PLCE1: variants seen among roughly 807,000 people sequenced by gnomAD.
PLCE1 encodes 1-phosphatidylinositol 4,5-bisphosphate phosphodiesterase epsilon-1.
PLCE1 carries 119 observed loss-of-function variants against 242.8 expected under a neutral mutation model. The observed-to-expected ratio is 0.49, with a 90% CI of 0.42 to 0.57. The LOEUF (loss-of-function observed/expected upper bound fraction) is 0.57, where lower values mean the gene tolerates loss of function less well. Among genes scored for constraint, PLCE1 ranks in the 20% least tolerant of loss-of-function variants. The pLI is 0.00. For missense variants in PLCE1, 2,441 were observed against 2,788.8 expected (o/e 0.88, Z 2.81); for synonymous variants, 945 against 1,017.4 (o/e 0.93, Z 1.35).
chr10:94,143,668 A>G (rs967794437), intron 3 of PLCE1, among the ~76,000 whole-genome samples: 27 of 152,230 alleles, frequency 1.8e-4, no homozygotes, highest in Non-Finnish European at 2.1e-4. Flanking sequence ...ATAAATTATT[A>G]CAGTTAAAGT....
At chr10:94,140,836 G>T (rs1336227624) in intron 3 of PLCE1, among the ~76,000 whole-genome samples, 1 of 152,166 alleles carries the variant, frequency 6.6e-6, no homozygotes, top group Non-Finnish European at 1.5e-5. Context: ...TTAGTATTGT[G>T]ACCTTGAAAT....
intron 1 of PLCE1, among the ~76,000 whole-genome samples, chr10:94,029,098 T>TATG (rs892441948): frequency 3.3e-5 from 5 of 151,934 alleles, no homozygotes; most frequent in Non-Finnish European, 7.4e-5. Flanking sequence ...GTCTCAAAAT[T>TATG]ATGATGATGA....
chr10:94,303,618 T>C (rs1232904833), intron 24 of PLCE1, among the ~76,000 whole-genome samples: 3 of 152,258 alleles, frequency 2.0e-5, no homozygotes, highest in Non-Finnish European at 2.9e-5. Context: ...TATTCTCCTA[T>C]TCTTTCTTGT....
chr10:94,250,025 C>G (rs2050819194), intron 8 of PLCE1, among the ~76,000 whole-genome samples: 1 of 150,740 alleles, frequency 6.6e-6, no homozygotes, highest in Non-Finnish European at 1.5e-5. Flanking sequence ...CAAGAGGTAA[C>G]AGTGCATGGA....
chr10:94,305,950 G>A (rs528122436), intron 25 of PLCE1, among the ~76,000 whole-genome samples: 5 of 151,926 alleles, frequency 3.3e-5, no homozygotes, highest in South Asian at 2.1e-4. Flanking sequence ...GATTCCAGTC[G>A]TGTGATTACC....
At chr10:94,276,843 G>A (rs1444763109) in intron 19 of PLCE1, among the ~76,000 whole-genome samples, 2 of 152,094 alleles carry the variant, frequency 1.3e-5, no homozygotes, top group Non-Finnish European at 2.9e-5. Flanking sequence ...GGAAAAATGG[G>A]ACAATATAAT....
At chr10:94,060,540 G>A (rs928768123) in intron 2 of PLCE1, among the ~76,000 whole-genome samples, 3 of 152,076 alleles carry the variant, frequency 2.0e-5, no homozygotes, top group Admixed American at 1.3e-4. Flanking sequence ...ATGAGTACTC[G>A]TGTGGCTTGC....
intron 2 of PLCE1, among the ~76,000 whole-genome samples, chr10:94,049,706 AT>A (rs1397690422): frequency 1.3e-5 from 2 of 152,196 alleles, no homozygotes; most frequent in Non-Finnish European, 2.9e-5. Flanking sequence ...GTAAACACAG[AT>A]TTAGCCAGCA....
At chr10:94,148,739 G>T (rs1197623841) in intron 3 of PLCE1, among the ~76,000 whole-genome samples, 1 of 152,196 alleles carries the variant, frequency 6.6e-6, no homozygotes, top group Admixed American at 6.5e-5. Flanking sequence ...AGGAAGGAAA[G>T]GCTATACAGA....
At chr10:94,008,504 T>A (rs1273585090) in intron 1 of PLCE1, among the ~76,000 whole-genome samples, 2 of 152,164 alleles carry the variant, frequency 1.3e-5, no homozygotes, top group African/African-American at 4.8e-5. Context: ...AGACAGCGTT[T>A]CACTACATTG....
At chr10:94,256,881 G>C (rs2051120439) in intron 11 of PLCE1, among the ~76,000 whole-genome samples, 1 of 152,222 alleles carries the variant, frequency 6.6e-6, no homozygotes, top group Non-Finnish European at 1.5e-5. Flanking sequence ...TGAATCCTAA[G>C]TCTGATAGTG....
intron 2 of PLCE1, among the ~76,000 whole-genome samples, chr10:94,085,818 C>G (rs2044802243): frequency 6.6e-6 from 1 of 152,174 alleles, no homozygotes; most frequent in South Asian, 2.1e-4. Context: ...CATCCAGGGC[C>G]TGGCCTGGAA....
At chr10:94,089,434 G>A (rs1284824911) in intron 2 of PLCE1, 6 of 1,393,306 alleles carry the variant, frequency 4.3e-6, no homozygotes, top group Non-Finnish European at 4.9e-6. Flanking sequence ...GGAATCCTGG[G>A]GACTGTTTCT....
intron 2 of PLCE1, among the ~76,000 whole-genome samples, chr10:94,095,067 C>T (rs750981633): frequency 7.2e-5 from 11 of 152,206 alleles, no homozygotes; most frequent in Non-Finnish European, 1.3e-4. Flanking sequence ...GCAAAGAATA[C>T]ATTGTAATCA....
chr10:94,291,636 A>G (rs2052648991), intron 22 of PLCE1, among the ~76,000 whole-genome samples: 1 of 152,182 alleles, frequency 6.6e-6, no homozygotes, highest in Non-Finnish European at 1.5e-5. Context: ...GTAGCAATAA[A>G]GTATCTAGTG....
intron 4 of PLCE1, among the ~76,000 whole-genome samples, chr10:94,198,838 A>C (rs1269145183): frequency 6.6e-6 from 1 of 152,164 alleles, no homozygotes; most frequent in East Asian, 1.9e-4. Context: ...ACTTGAGCTC[A>C]AGAGTGTGAG....
At chr10:94,138,960 T>G (rs2046871195) in intron 3 of PLCE1, 1 of 154,132 alleles carries the variant, frequency 6.5e-6, no homozygotes, top group Admixed American at 6.5e-5. Flanking sequence ...CCCTGACAAG[T>G]GCATCTCCAT....
chr10:94,215,228 G>C (rs541856294), intron 4 of PLCE1, among the ~76,000 whole-genome samples: 1 of 152,298 alleles, frequency 6.6e-6, no homozygotes, highest in South Asian at 2.1e-4. Flanking sequence ...GGAGTCCCCA[G>C]ATACCCTGGG....
chr10:94,150,100 G>C (rs910638261), intron 3 of PLCE1, among the ~76,000 whole-genome samples: 1 of 152,150 alleles, frequency 6.6e-6, no homozygotes, highest in Non-Finnish European at 1.5e-5. Flanking sequence ...TAAACAAGTA[G>C]ATGTTAACAC....
Sources: gnomAD v4.1 joint callset for allele counts (sites outside exome capture counted in the v4.1 genomes callset) on GRCh38, gnomAD v4.1.1 for gene constraint, MANE v1.5 for transcripts, NCBI Gene and HGNC (gene_info 2026-07-23, HGNC 2026-07-21) for gene names.